The following MALL variants were observed in gnomAD, a reference collection of about 807,000 sequenced individuals.
MALL encodes the protein mal, T cell differentiation protein like.
In MALL, 2 loss-of-function variants were observed where a neutral mutation model predicts 10.3. The ratio of observed to expected loss-of-function variants is 0.19; its 90% CI spans 0.08 to 0.61. The LOEUF is 0.61. Ranked by LOEUF, MALL falls within the 20% of genes least tolerant of loss-of-function variation. The pLI, the probability that MALL is intolerant of heterozygous loss-of-function variation, is 0.88. For missense variants in MALL, 39 were observed against 115.2 expected, an observed-to-expected ratio of 0.34 and a Z score of 3.03; for synonymous variants, 27 against 51.8, an observed-to-expected ratio of 0.52 and a Z score of 2.05.
chr2:110,115,369 C>A (rs987411651), intron 1 of MALL, among the ~76,000 whole-genome samples: 2 of 152,128 alleles, frequency 1.3e-5, no homozygotes, highest in Non-Finnish European at 2.9e-5. Context: ...ACCCCCTTGG[C>A]GGCATAAGAC....
At chr2:110,101,505 GGGAACTCGC>G (rs1454099225) in intron 1 of MALL, among the ~76,000 whole-genome samples, 3 of 152,152 alleles carry the variant, frequency 2.0e-5, no homozygotes, top group Non-Finnish European at 4.4e-5. Context: ...CAGCACTGGT[GGGAACTCGC>G]GTCCGCAGCT....
At chr2:110,100,377 C>G (rs529371036) in intron 1 of MALL, among the ~76,000 whole-genome samples, 1 of 151,974 alleles carries the variant, frequency 6.6e-6, no homozygotes, top group South Asian at 2.1e-4. Flanking sequence ...AGGCTGAGTG[C>G]GGGGAGGATC....
intron 1 of MALL, among the ~76,000 whole-genome samples, chr2:110,114,128 G>T (rs1288353095): frequency 6.6e-6 from 1 of 151,994 alleles, no homozygotes; most frequent in Non-Finnish European, 1.5e-5. Flanking sequence ...GAAACTCCGT[G>T]CCTCTAGCCT....
chr2:110,097,835 C>A (rs77569960), intron 1 of MALL, among the ~76,000 whole-genome samples: 1 of 152,044 alleles, frequency 6.6e-6, no homozygotes, highest in Non-Finnish European at 1.5e-5. Context: ...TTTCTTACTG[C>A]GTCTCTTAAT....
chr2:110,116,762 A>T (rs886120936), upstream of MALL, among the ~76,000 whole-genome samples: 3 of 152,194 alleles, frequency 2.0e-5, no homozygotes, highest in Non-Finnish European at 2.9e-5. Context: ...CCACCTTTGA[A>T]TTGGCGAACC....
rs1365573151 is a variant in MALL, at chr2:110,097,102, A to AAG, written c.106-5333_106-5332insCT. Among the ~76,000 whole-genome samples, 36 of 151,926 alleles carry AAG rather than the reference A, an allele frequency of 2.4e-4. No individual in the cohort carries two copies. The East Asian group carries it at 6.8e-3, about 29-fold the overall frequency. The stretch of plus-strand genomic sequence containing the variant: ...TTCAAAAACAAAACAAAACAAAAAA[A>AAG]AAAAAAGAGAGAGAAAATTCTATAT... On this transcript the variant is annotated intron_variant, in intron 1 of 3. Coordinates refer to ENST00000272462, the MANE Select transcript of MALL (RefSeq NM_005434.5).
chr2:110,106,255 C>T (rs745929863), intron 1 of MALL, among the ~76,000 whole-genome samples: 1 of 152,082 alleles, frequency 6.6e-6, no homozygotes, highest in Non-Finnish European at 1.5e-5. Context: ...GAGCTTGCAG[C>T]TTCCACCCTT....
chr2:110,099,983 C>A (rs773225266), intron 1 of MALL, among the ~76,000 whole-genome samples: 2 of 152,036 alleles, frequency 1.3e-5, no homozygotes, highest in Non-Finnish European at 2.9e-5. Flanking sequence ...CAAGTCTGTG[C>A]GGGTCGCCCA....
At chr2:110,110,617 G>T (rs569474982) in intron 1 of MALL, among the ~76,000 whole-genome samples, 17 of 152,078 alleles carry the variant, frequency 1.1e-4, no homozygotes, top group Non-Finnish European at 1.8e-4. Context: ...GGATGGATTC[G>T]CACCAGAATT....
intron 1 of MALL, among the ~76,000 whole-genome samples, chr2:110,095,567 T>C (rs1248474134): frequency 6.6e-6 from 1 of 151,912 alleles, no homozygotes; most frequent in Non-Finnish European, 1.5e-5. Context: ...AACTAGAATA[T>C]AATAAAATAA....
chr2:110,097,105 A>AAG (rs1274412165), intron 1 of MALL, among the ~76,000 whole-genome samples: 3 of 151,808 alleles, frequency 2.0e-5, no homozygotes, highest in Non-Finnish European at 4.4e-5. Flanking sequence ...CAAAAAAAAA[A>AAG]AAAGAGAGAG....
At chr2:110,104,938 C>T (rs547965512) in intron 1 of MALL, among the ~76,000 whole-genome samples, 10 of 152,284 alleles carry the variant, frequency 6.6e-5, no homozygotes, top group South Asian at 6.2e-4. Flanking sequence ...TCTTACAATG[C>T]GCTTTCTAGT....
At chr2:110,112,439 T>C (rs1678825143) in intron 1 of MALL, among the ~76,000 whole-genome samples, 1 of 151,966 alleles carries the variant, frequency 6.6e-6, no homozygotes, top group Admixed American at 6.6e-5. Flanking sequence ...GAATAGACAA[T>C]TCTCAAAAGA....
At chr2:110,113,732 T>G (rs1020446370) in intron 1 of MALL, among the ~76,000 whole-genome samples, 1 of 152,020 alleles carries the variant, frequency 6.6e-6, no homozygotes, top group Non-Finnish European at 1.5e-5. Context: ...AAAAAGGACA[T>G]TAGTGAGAAA....
At chr2:110,104,649 G>A (rs151049406) in intron 1 of MALL, among the ~76,000 whole-genome samples, 5 of 152,304 alleles carry the variant, frequency 3.3e-5, no homozygotes, top group African/African-American at 1.2e-4. Flanking sequence ...CTCCAAGAAT[G>A]TCAAGCTCCT....
At chr2:110,116,387 A>T (rs962085692), upstream of MALL, 2 of 152,638 alleles carry the variant, frequency 1.3e-5, no homozygotes, top group African/African-American at 4.8e-5. Flanking sequence ...TGGGAGGAGC[A>T]GCCCTCCCTT....
At chr2:110,108,781 CT>C (rs1378124791) in intron 1 of MALL, among the ~76,000 whole-genome samples, 15 of 152,186 alleles carry the variant, frequency 9.9e-5, no homozygotes, top group Admixed American at 9.8e-4. Context: ...CTCTTAAGAG[CT>C]GTGAGACAAA....
At chr2:110,104,754 G>A (rs559216464) in intron 1 of MALL, among the ~76,000 whole-genome samples, 22 of 152,284 alleles carry the variant, frequency 1.4e-4, no homozygotes, top group African/African-American at 5.3e-4. Flanking sequence ...TCCTGTCCTG[G>A]AGTGCTCGTT....
chr2:110,095,085 C>T lies in MALL; in HGVS notation c.106-3315G>A, dbSNP rs542974415. ...CCTAAACAGGAGGAGGGACCAGAGCCAAGGGCTGCAGGTGGATTGAAACCC... is the reference window on the plus strand; with the variant it reads ...CCTAAACAGGAGGAGGGACCAGAGCTAAGGGCTGCAGGTGGATTGAAACCC... On this transcript the variant is annotated intron_variant, in intron 1 of 3. Coordinates refer to ENST00000272462, the MANE Select transcript of MALL (RefSeq NM_005434.5). 2.7e-5 allele frequency among the ~76,000 whole-genome samples: 4 copies of T among 150,378 alleles called. No individual in the cohort carries two copies. The East Asian group carries it at 7.9e-4, about 30-fold the overall frequency.
Sources: allele counts gnomAD v4.1 joint callset (sites outside exome capture counted in the v4.1 genomes callset), GRCh38; gene constraint gnomAD v4.1.1; transcripts MANE v1.5; gene names NCBI Gene and HGNC (gene_info 2026-07-23, HGNC 2026-07-21).